TRAPPC9: variants seen among roughly 807,000 people sequenced by gnomAD.
The protein encoded by TRAPPC9 is IKK2 binding protein.
Under a neutral mutation model 124.0 loss-of-function variants are expected in TRAPPC9, and 83 were observed. The ratio of observed to expected loss-of-function variants is 0.67; its 90% confidence interval spans 0.56 to 0.80. The LOEUF (loss-of-function observed/expected upper bound fraction) is 0.80, where lower values mean the gene tolerates loss of function less well. TRAPPC9 is among the 30% of genes least tolerant of loss of function. The pLI is 0.00. For missense variants in TRAPPC9, 1,302 were observed against 1,508.3 expected (o/e 0.86, Z 2.27); for synonymous variants, 638 against 617.5 (o/e 1.03, Z -0.49).
At chr8:140,424,828 G>C (rs150453741) in intron 5 of TRAPPC9, among the ~76,000 whole-genome samples, 8 of 152,076 alleles carry the variant, frequency 5.3e-5, no homozygotes, top group South Asian at 4.1e-4. Context: ...CTCTTCTTCC[G>C]GTTTTGGAAA....
At chr8:140,249,148 C>T (rs1426591803) in intron 16 of TRAPPC9, among the ~76,000 whole-genome samples, 2 of 149,508 alleles carry the variant, frequency 1.3e-5, no homozygotes, top group Non-Finnish European at 3.0e-5. Flanking sequence ...AGCGTGCTGC[C>T]CAACAACTGG....
rs1404024005 is a variant in TRAPPC9 at position 139,825,827 on chromosome 8, A to G, written c.3055+60052T>C. On this transcript the variant is annotated intron_variant, in intron 21 of 22. Transcript: ENST00000438773. This position sits in a 1 kb window ranked among gnomAD's most constrained non-coding sequence, Gnocchi z 4.6. ...AGACGATGGCCGGAGCTGAGTGTCA[A>G]CGCCCAAGGATTTCCAGGGCTTCCT... Among the ~76,000 whole-genome samples the G allele has an allele frequency of 6.6e-6, 1 of 151,988 alleles. No individual in the cohort carries two copies. The highest frequency in any genetic ancestry group is 2.4e-5 in the African/African-American group (1 of 41,378).
chr8:140,244,262 T>C (rs2131450965), intron 16 of TRAPPC9, among the ~76,000 whole-genome samples: 1 of 152,280 alleles, frequency 6.6e-6, no homozygotes, highest in African/African-American at 2.4e-5. Flanking sequence ...AGACAAATCA[T>C]TCCACCTTCC....
chr8:140,189,159 C>A (rs1399003985), intron 17 of TRAPPC9, among the ~76,000 whole-genome samples: 1 of 152,224 alleles, frequency 6.6e-6, no homozygotes, highest in Non-Finnish European at 1.5e-5. Context: ...TCTGCCTGTG[C>A]TCTTTCAACA....
intron 17 of TRAPPC9, chr8:140,099,280 C>A (rs890469495): frequency 2.0e-5 from 3 of 150,820 alleles, no homozygotes; most frequent in Admixed American, 2.0e-4. Flanking sequence ...TCTTCCGCAG[C>A]GTTCTGCAAG....
At position 139,853,261 on chromosome 8, in the gene TRAPPC9, C is replaced by T. The variant is rs116571808; in HGVS notation, c.3055+32618G>A. The stretch of plus-strand genomic sequence containing the variant: ...CAGGATGCTTGCCCTTCGGGAGACA[C>T]GACAACCAGTTTCCCATTTGCAGTG... On this transcript the variant is annotated intron_variant, in intron 21 of 22. Coordinates refer to ENST00000438773, the MANE Select transcript of TRAPPC9 (RefSeq NM_001160372.4). Among the ~76,000 whole-genome samples the T allele has an allele frequency of 3.5e-3, 531 of 152,312 alleles. 4 individuals carry two copies. Among genetic ancestry groups the T allele is most frequent in the African/African-American group, 0.012 (506 of 41,572 alleles).
At position 140,104,231 on chromosome 8, in the gene TRAPPC9, A is replaced by T. The variant is rs1207260596; in HGVS notation, c.2557-80152T>A. On this transcript the variant is annotated intron_variant, in intron 17 of 22. Coordinates refer to ENST00000438773, the MANE Select transcript of TRAPPC9 (RefSeq NM_001160372.4). The surrounding 1 kb of genome is among the most constrained non-coding windows in gnomAD (Gnocchi z 4.0). ...TGCCAGGGCTGTCGGCTGTAAGCAT[A>T]GAGCTATGGAGCCAGATGAAAGACC... is the stretch of plus-strand genomic sequence containing the variant. Among the ~76,000 whole-genome samples the T allele has an allele frequency of 6.6e-6, 1 of 152,178 alleles. No homozygotes were observed. The highest frequency in any genetic ancestry group is 1.5e-5 in the Non-Finnish European group (1 of 68,028).
intron 21 of TRAPPC9, among the ~76,000 whole-genome samples, chr8:139,828,063 C>T (rs1407229709): frequency 6.6e-6 from 1 of 152,132 alleles, no homozygotes; most frequent in East Asian, 1.9e-4. Flanking sequence ...GGCCCCACCA[C>T]CAACAGTGGG....
chr8:139,895,437 A>T (rs376852349), intron 20 of TRAPPC9, among the ~76,000 whole-genome samples: 1 of 152,196 alleles, frequency 6.6e-6, no homozygotes, highest in African/African-American at 2.4e-5. Context: ...TCAGAAATAA[A>T]TTTTGTAAGT....
rs375561209 is a variant in TRAPPC9, at chr8:139,974,871, C to T, written c.2810+13855G>A. ...CAGCCTCCGGCTGCCTCTCCCTCTC[C>T]GCCTTGTTCCCCAGGGGCTGTAGCT... On this transcript the variant is annotated intron_variant, in intron 19 of 22. Coordinates refer to ENST00000438773, the MANE Select transcript of TRAPPC9 (RefSeq NM_001160372.4). 3.8e-3 allele frequency among the ~76,000 whole-genome samples: 584 copies of T among 152,170 alleles called. 5 individuals carry two copies. The highest frequency in any genetic ancestry group is 0.013 in the African/African-American group (528 of 41,514).
chr8:140,210,194 C>G (rs1587930866), intron 17 of TRAPPC9, among the ~76,000 whole-genome samples: 1 of 152,238 alleles, frequency 6.6e-6, no homozygotes, highest in Non-Finnish European at 1.5e-5. Context: ...CTGCCATCAG[C>G]TGGCCCAGGG....
chr8:140,338,758 C>T (rs1157209776), intron 9 of TRAPPC9, among the ~76,000 whole-genome samples: 2 of 146,416 alleles, frequency 1.4e-5, no homozygotes, highest in African/African-American at 5.1e-5. Flanking sequence ...CAGACGGCCA[C>T]CTACAGGCCG....
At chr8:140,249,922 T>C (rs1413098436) in intron 16 of TRAPPC9, among the ~76,000 whole-genome samples, 1 of 152,180 alleles carries the variant, frequency 6.6e-6, no homozygotes, top group Non-Finnish European at 1.5e-5. Context: ...CTTTCACTCT[T>C]AAATGCTTCT....
At chr8:139,890,305 C>T (rs551664334) in intron 20 of TRAPPC9, among the ~76,000 whole-genome samples, 26 of 152,348 alleles carry the variant, frequency 1.7e-4, no homozygotes, top group Admixed American at 4.6e-4. Flanking sequence ...GTTCCGAGCA[C>T]CCCATCAGGG....
At chr8:140,232,049 C>T (rs1178714116) in intron 16 of TRAPPC9, among the ~76,000 whole-genome samples, 1 of 152,024 alleles carries the variant, frequency 6.6e-6, no homozygotes, top group Non-Finnish European at 1.5e-5. Context: ...GCTGGGATTA[C>T]AGGCGTGAGC....
At chr8:140,206,556 T>C (rs1224563506) in intron 17 of TRAPPC9, among the ~76,000 whole-genome samples, 1 of 152,046 alleles carries the variant, frequency 6.6e-6, no homozygotes, top group African/African-American at 2.4e-5. Context: ...TGGCTAGGGG[T>C]GAGTCACAGT....
rs188207692 is a variant in TRAPPC9, at chr8:139,759,678, G to A, written c.3056-27476C>T. ...CATTCTGAAAGGCAGCCTCCTCTGG[G>A]AAACACGAACTGCAGACACGGGGGC... On this transcript the variant is annotated intron_variant, in intron 21 of 22. Coordinates refer to ENST00000438773, the MANE Select transcript of TRAPPC9 (RefSeq NM_001160372.4). 3.0e-3 allele frequency among the ~76,000 whole-genome samples: 451 copies of A among 152,314 alleles called. 1 individual carries two copies. Among genetic ancestry groups the A allele is most frequent in the Admixed American group, 4.8e-3 (73 of 15,312 alleles).
chr8:140,228,082 G>A (rs972015860), intron 16 of TRAPPC9, among the ~76,000 whole-genome samples: 23 of 152,238 alleles, frequency 1.5e-4, no homozygotes, highest in Non-Finnish European at 2.9e-4. Context: ...CAGGGGCTTA[G>A]CATCTATCTC....
At chr8:139,997,130 C>T (rs1368110184) in intron 18 of TRAPPC9, among the ~76,000 whole-genome samples, 2 of 152,168 alleles carry the variant, frequency 1.3e-5, no homozygotes, top group African/African-American at 4.8e-5. Context: ...GGAAAGCTGC[C>T]AGAGCAAACA....
Sources: gnomAD v4.1 joint callset for allele counts (sites outside exome capture counted in the v4.1 genomes callset) on GRCh38, gnomAD v4.1.1 for gene constraint, Gnocchi (gnomAD v3.1) non-coding constraint, MANE v1.5 for transcripts, NCBI Gene and HGNC (gene_info 2026-07-23, HGNC 2026-07-21) for gene names.